The following CSMD2 variants were observed in gnomAD, a reference collection of about 807,000 sequenced individuals.
The protein encoded by CSMD2 is CUB and sushi domain-containing protein 2.
Under a neutral mutation model 398.5 loss-of-function variants are expected in CSMD2, and 130 were observed. The observed-to-expected ratio is 0.33, with a 90% CI of 0.28 to 0.38. The LOEUF (loss-of-function observed/expected upper bound fraction) is 0.38. Ranked by LOEUF, CSMD2 falls within the 10% of genes least tolerant of loss-of-function variation. The pLI, the probability that CSMD2 is intolerant of heterozygous loss-of-function variation, is 1.00. For missense variants in CSMD2, 3,829 were observed against 4,764.9 expected, an observed-to-expected ratio of 0.80 and a Z score of 5.78; for synonymous variants, 1,828 against 1,908.5, an observed-to-expected ratio of 0.96 and a Z score of 1.10.
Position 33,929,432 on chromosome 1 carries a change from C to CT in CSMD2, c.712+6327dup, listed in dbSNP as rs936900076. 8.3e-3 allele frequency among the ~76,000 whole-genome samples: 839 copies of CT among 100,624 alleles called. 23 individuals are homozygous for CT. The highest frequency in any genetic ancestry group is 0.033 in the South Asian group (96 of 2,884). 66.0% of individuals were successfully genotyped at this position (100,624 alleles called of 152,430 possible). A position where few individuals can be genotyped will look rare whatever the true frequency, so the allele number is the denominator to read the frequency against. ...TCCTGAACTCAGAACCAAGCCTATA[C>CT]TTTTTTTTTTTTTTTTTTTTTTTGA... is the stretch of plus-strand genomic sequence containing the variant. On this transcript the variant is annotated intron_variant, in intron 4 of 70. Coordinates refer to ENST00000373381, the MANE Select transcript of CSMD2 (RefSeq NM_001281956.2).
intron 1 of CSMD2, among the ~76,000 whole-genome samples, chr1:34,124,469 A>C (rs894543916): frequency 7.2e-5 from 11 of 152,156 alleles, no homozygotes; most frequent in Non-Finnish European, 1.5e-4. Flanking sequence ...TCCACTGCTC[A>C]TGCCATCGGC....
chr1:33,591,141 A>C (rs1639423303), intron 44 of CSMD2, among the ~76,000 whole-genome samples: 1 of 151,762 alleles, frequency 6.6e-6, no homozygotes, highest in African/African-American at 2.4e-5. Flanking sequence ...GGCATGCGCC[A>C]CCACGTCTGG....
chr1:33,706,866 T>C (rs907558257), intron 22 of CSMD2, among the ~76,000 whole-genome samples: 11 of 150,986 alleles, frequency 7.3e-5, no homozygotes, highest in African/African-American at 2.2e-4. Flanking sequence ...TGCGTGTGCA[T>C]GTGTGTGCAT....
At position 33,625,214 on chromosome 1, in the gene CSMD2, C is replaced by A; in HGVS notation, c.5337G>T (p.Pro1779=). The A allele has an allele frequency of 6.2e-7, 1 of 1,613,572 alleles. No individual in the cohort carries two copies. The part of the protein sequence containing the change: ...RTSATQCSSV[P]EPRYGKRLGS... ...CCAGCCTCTTGCCATAGCGGGGTTC[C>A]GGCACAGAGCTGCACTGCGTGGCGC... The change falls in exon 34 of 71, where the codon CCG becomes CCT. Residue 1779 remains proline (P), a synonymous_variant. Transcript: ENST00000373381.
In CSMD2 at chr1:33,537,598, C is replaced by T. The variant is rs778281288; in HGVS notation, c.9643G>A (p.Gly3215Arg). ...CCACGGGACGGGACACCAGGATCCCCGCAGAACACAGCTGGGAAGACGAAG... is the reference window on the plus strand; with the variant it reads ...CCACGGGACGGGACACCAGGATCCCTGCAGAACACAGCTGGGAAGACGAAG... ...ELPQCFPVFCGDPGVPSRGRR... is the reference protein window; with the variant it reads ...ELPQCFPVFCRDPGVPSRGRR... The change falls in exon 61 of 71, where the codon GGG (glycine) becomes AGG (arginine). Residue 3215 changes from glycine (G) to arginine (R), a missense_variant. Physicochemically the swap from Gly to Arg is moderately radical, Grantham distance 125. This residue lies in a region of CSMD2 where 917 missense variants were observed against 1,199.5 expected (regional missense o/e 0.76). Coordinates refer to ENST00000373381, the MANE Select transcript of CSMD2 (RefSeq NM_001281956.2). The surrounding 1 kb of genome is among the most constrained non-coding windows in gnomAD (Gnocchi z 4.6). 116 of 1,612,972 alleles carry T rather than the reference C, an allele frequency of 7.2e-5. No homozygotes were observed. The highest frequency in any genetic ancestry group is 9.5e-5 in the Non-Finnish European group (112 of 1,179,486).
chr1:33,782,401 T>C (rs936517927), intron 12 of CSMD2, among the ~76,000 whole-genome samples: 18 of 152,266 alleles, frequency 1.2e-4, no homozygotes, highest in African/African-American at 3.6e-4. Flanking sequence ...GCTGGGTGCT[T>C]GACTATACTG....
At position 33,519,307 on chromosome 1, in the gene CSMD2, G is replaced by C. The variant is rs1045699287; in HGVS notation, c.*53+158C>G. 6.6e-6 allele frequency among the ~76,000 whole-genome samples: 1 copy of C among 152,218 alleles called. No homozygotes were observed. Among genetic ancestry groups the C allele is most frequent in the African/African-American group, 2.4e-5 (1 of 41,456 alleles). ...AATATATTAGATCCACAAAGGGCCTGGTTCAGTGCCTGTTACACAATGATG... is the reference window on the plus strand; with the variant it reads ...AATATATTAGATCCACAAAGGGCCTCGTTCAGTGCCTGTTACACAATGATG... On this transcript the variant is annotated intron_variant, in intron 70 of 70. Transcript: ENST00000373381. This position sits in a 1 kb window ranked among gnomAD's most constrained non-coding sequence, Gnocchi z 5.6.
At chr1:33,912,815 C>G (rs987362524) in intron 5 of CSMD2, among the ~76,000 whole-genome samples, 4 of 151,994 alleles carry the variant, frequency 2.6e-5, no homozygotes, top group African/African-American at 9.7e-5. Context: ...TTTTCTTTTT[C>G]TTTTTGCTTT....
intron 40 of CSMD2, among the ~76,000 whole-genome samples, chr1:33,611,795 C>T (rs1641025581): frequency 6.6e-6 from 1 of 152,160 alleles, no homozygotes; most frequent in Non-Finnish European, 1.5e-5. Context: ...TTCTAGCAAC[C>T]TGACAGGTTA....
At chr1:33,826,416 C>T (rs1360815996) in intron 6 of CSMD2, among the ~76,000 whole-genome samples, 1 of 152,206 alleles carries the variant, frequency 6.6e-6, no homozygotes, top group African/African-American at 2.4e-5. Context: ...TAGGCTTGGC[C>T]TCTTGCATCT....
intron 13 of CSMD2, among the ~76,000 whole-genome samples, chr1:33,745,747 G>A (rs189907442): frequency 6.6e-6 from 1 of 152,250 alleles, no homozygotes; most frequent in East Asian, 1.9e-4. Context: ...AGTATAGAAA[G>A]AATTCGAGCC....
chr1:34,075,212 C>G (rs1448897542), intron 2 of CSMD2, among the ~76,000 whole-genome samples: 1 of 152,252 alleles, frequency 6.6e-6, no homozygotes, highest in Non-Finnish European at 1.5e-5. Flanking sequence ...TGTCCCCTCT[C>G]TGTTTCAATC....
At chr1:33,915,268 C>T (rs1157089046) in intron 5 of CSMD2, among the ~76,000 whole-genome samples, 1 of 152,182 alleles carries the variant, frequency 6.6e-6, no homozygotes, top group Non-Finnish European at 1.5e-5. Flanking sequence ...AAGCAGTATA[C>T]TCATAAACCA....
intron 2 of CSMD2, among the ~76,000 whole-genome samples, chr1:34,085,378 CAAT>C (rs60890896): frequency 0.03 from 4,519 of 149,276 alleles, 63 homozygotes; most frequent in Non-Finnish European, 0.034. Context: ...CTTAAAAGTA[CAAT>C]AATAATAATA....
intron 67 of CSMD2, 46 bp from the exon 68 acceptor site, chr1:33,521,596 G>A: frequency 8.1e-7 from 1 of 1,237,048 alleles, no homozygotes; most frequent in Middle Eastern, 1.9e-4. Flanking sequence ...GCTGCTGGAA[G>A]GATCTAGAAC....
intron 25 of CSMD2, among the ~76,000 whole-genome samples, chr1:33,683,417 T>A (rs1041872797): frequency 4.6e-5 from 7 of 152,232 alleles, no homozygotes; most frequent in African/African-American, 1.7e-4. Context: ...CAAGTTTATT[T>A]TATGTACTTT....
In CSMD2 at chr1:33,537,420, C is replaced by T. The variant is rs201484785; in HGVS notation, c.9805+16G>A. On this transcript the variant is annotated intron_variant, in intron 61 of 70. Coordinates refer to ENST00000373381, the MANE Select transcript of CSMD2 (RefSeq NM_001281956.2). This position sits in a 1 kb window ranked among gnomAD's most constrained non-coding sequence, Gnocchi z 4.6. ...AACCCCAGCCAAGACGCTCCCTGCT[C>T]CAGATGACCTCTCACCTATGCAGCT... 1 of 1,599,656 alleles carries T rather than the reference C, an allele frequency of 6.3e-7. No individual in the cohort carries two copies. The highest frequency in any genetic ancestry group is 8.5e-7 in the Non-Finnish European group (1 of 1,171,838).
chr1:33,809,194 T>G (rs1268023316), intron 10 of CSMD2, among the ~76,000 whole-genome samples: 2 of 151,978 alleles, frequency 1.3e-5, no homozygotes, highest in Non-Finnish European at 2.9e-5. Context: ...AGGCTAGCAA[T>G]ATATTGACAC....
chr1:33,649,678 T>C (rs1423223175), intron 28 of CSMD2, among the ~76,000 whole-genome samples: 3 of 152,102 alleles, frequency 2.0e-5, no homozygotes, highest in East Asian at 3.9e-4. Flanking sequence ...TATAATGAAA[T>C]GACATTGAAG....
Sources: allele counts gnomAD v4.1 joint callset (sites outside exome capture counted in the v4.1 genomes callset), GRCh38; gene constraint gnomAD v4.1.1; regional missense constraint gnomAD v4.1.1; non-coding constraint Gnocchi (gnomAD v3.1); transcripts MANE v1.5; gene names NCBI Gene and HGNC (gene_info 2026-07-23, HGNC 2026-07-21).